The following UBE2K variants were observed in gnomAD, a reference collection of about 807,000 sequenced individuals.
UBE2K encodes the protein ubiquitin-conjugating enzyme E2 K.
Under a neutral mutation model 30.0 loss-of-function variants are expected in UBE2K, and 6 were observed. That is an observed-to-expected ratio of 0.20 (90% CI 0.11 to 0.39). The LOEUF (loss-of-function observed/expected upper bound fraction) is 0.39, where lower values mean the gene tolerates loss of function less well. Ranked by LOEUF, UBE2K falls within the 10% of genes least tolerant of loss-of-function variation. The pLI is 1.00. For missense variants in UBE2K, 61 were observed against 241.6 expected, an observed-to-expected ratio of 0.25 and a Z score of 4.96; for synonymous variants, 86 against 83.7, an observed-to-expected ratio of 1.03 and a Z score of -0.15.
intron 1 of UBE2K, chr4:39,710,317 G>C (rs1185068017): frequency 6.6e-6 from 1 of 152,058 alleles, no homozygotes; most frequent in Non-Finnish European, 1.5e-5. Flanking sequence ...TGCCCAGGCT[G>C]GAGTGCAGTG....
At chr4:39,702,231 C>CTTTTTTTTT (rs564712672) in intron 1 of UBE2K, among the ~76,000 whole-genome samples, 20 of 67,348 alleles carry the variant, frequency 3.0e-4, no homozygotes, top group South Asian at 9.4e-4. Flanking sequence ...CTTTTCTTTT[C>CTTTTTTTTT]TTTTTTTTTT....
At chr4:39,755,548 A>G (rs1721483881) in intron 3 of UBE2K, 109 bp from the exon 4 acceptor site, 2 of 776,788 alleles carry the variant, frequency 2.6e-6, no homozygotes, top group Non-Finnish European at 4.2e-6. Flanking sequence ...ATGATGTAAT[A>G]GATATAGGGA....
chr4:39,712,765 T>G (rs1718781924), intron 1 of UBE2K, among the ~76,000 whole-genome samples: 2 of 151,746 alleles, frequency 1.3e-5, no homozygotes, highest in East Asian at 3.9e-4. Flanking sequence ...GGATGTGAAA[T>G]GGTGGTTTAT....
intron 6 of UBE2K, 99 bp downstream of exon 6, chr4:39,777,909 C>A (rs954679211): frequency 8.4e-7 from 1 of 1,187,190 alleles, no homozygotes; most frequent in Non-Finnish European, 1.1e-6. Flanking sequence ...AAGAGAAATT[C>A]GCAGCCTGGG....
intron 3 of UBE2K, among the ~76,000 whole-genome samples, chr4:39,748,620 CAAAA>C (rs33918227): frequency 3.2e-5 from 4 of 123,434 alleles, no homozygotes; most frequent in Non-Finnish European, 3.6e-5. Context: ...TCTCTAGTCC[CAAAA>C]AAAAAAAAAA....
chr4:39,699,463 G>C (rs1280420076), intron 1 of UBE2K, among the ~76,000 whole-genome samples: 4 of 152,128 alleles, frequency 2.6e-5, no homozygotes, highest in Admixed American at 1.3e-4. Context: ...AGATACATTT[G>C]TACTACGTTT....
intron 4 of UBE2K, among the ~76,000 whole-genome samples, chr4:39,771,653 G>C (rs1712869982): frequency 1.3e-5 from 2 of 151,934 alleles, no homozygotes; most frequent in East Asian, 3.9e-4. Context: ...GGCTCGTGCG[G>C]TGTGTTCCAG....
At chr4:39,713,029 C>T (rs1370027288) in intron 1 of UBE2K, among the ~76,000 whole-genome samples, 1 of 151,938 alleles carries the variant, frequency 6.6e-6, no homozygotes, top group Non-Finnish European at 1.5e-5. Context: ...CTAAGCCTGG[C>T]TAATTTCGTA....
rs1450180099 is a variant in UBE2K, at chr4:39,734,224, A to G, written c.64-3196A>G. ...GGATTCAAACGATTCTCGTGCCTCA[A>G]CCTCCCAAGTAGCGGGGACTACAGG... is the stretch of plus-strand genomic sequence containing the variant. On this transcript the variant is annotated intron_variant, in intron 1 of 6. Coordinates refer to ENST00000261427, the MANE Select transcript of UBE2K (RefSeq NM_005339.5). Among the ~76,000 whole-genome samples the G allele has an allele frequency of 4.6e-5, 7 of 150,804 alleles. No homozygotes were observed. The South Asian group carries it at 6.3e-4, about 14-fold the overall frequency.
At position 39,774,945 on chromosome 4, in the gene UBE2K, G is replaced by A; in HGVS notation, c.399+12G>A. The A allele has an allele frequency of 4.5e-6, 7 of 1,570,440 alleles. No homozygotes were observed. Among genetic ancestry groups the A allele is most frequent in the Admixed American group, 1.8e-5 (1 of 56,116 alleles). On this transcript the variant is annotated intron_variant, in intron 5 of 6. Transcript: ENST00000261427. The stretch of plus-strand genomic sequence containing the variant: ...TAGTAGCAAATCAGGTAAGATGGCC[G>A]CTTTTGAAAGACTTTCTTATATTAT...
chr4:39,777,428 T>C (rs781643497), intron 5 of UBE2K, among the ~76,000 whole-genome samples: 6 of 152,370 alleles, frequency 3.9e-5, no homozygotes, highest in African/African-American at 7.2e-5. Context: ...TTGCTAGTTA[T>C]ATTTGTTGAA....
rs1367153148 is a variant in UBE2K, at chr4:39,781,960, G to C, written c.*3526G>C. ...CTGATAAAATAGCCTTTATTCCCAAGTGTGACTTTTCTTCAGTGTCTACAT... is the reference window on the plus strand; with the variant it reads ...CTGATAAAATAGCCTTTATTCCCAACTGTGACTTTTCTTCAGTGTCTACAT... On this transcript the variant is annotated 3_prime_UTR_variant, in exon 7 of 7. Coordinates refer to ENST00000261427, the MANE Select transcript of UBE2K (RefSeq NM_005339.5). 1 of 398,350 alleles carries C rather than the reference G, an allele frequency of 2.5e-6. No individual in the cohort carries two copies. Among genetic ancestry groups the C allele is most frequent in the African/African-American group, 2.1e-5 (1 of 48,638 alleles). The allele number at this position is 398,350 out of a possible 1,614,324, so 24.7% of individuals were successfully genotyped here. A position where few individuals can be genotyped will look rare whatever the true frequency, so the allele number is the denominator to read the frequency against.
chr4:39,714,540 A>ATG (rs1316202885), intron 1 of UBE2K: 1 of 20,578 alleles, frequency 4.9e-5, no homozygotes, highest in Non-Finnish European at 7.5e-5. Context: ...ATATATATAT[A>ATG]TATATATATA....
intron 1 of UBE2K, among the ~76,000 whole-genome samples, chr4:39,730,807 C>T (rs1720029578): frequency 8.5e-6 from 1 of 117,932 alleles, no homozygotes; most frequent in East Asian, 3.2e-4. Flanking sequence ...GCTGCTATAG[C>T]TTCTTTTTTT....
chr4:39,729,076 C>A (rs1419013291), intron 1 of UBE2K, among the ~76,000 whole-genome samples: 1 of 151,094 alleles, frequency 6.6e-6, no homozygotes, highest in Non-Finnish European at 1.5e-5. Flanking sequence ...TCAAGCAGTT[C>A]TCCTGCCTCA....
intron 1 of UBE2K, among the ~76,000 whole-genome samples, chr4:39,727,213 TCA>T (rs894199674): frequency 1.3e-5 from 2 of 152,212 alleles, no homozygotes; most frequent in Non-Finnish European, 2.9e-5. Context: ...AAATGTTATA[TCA>T]CATACAGAGG....
intron 1 of UBE2K, among the ~76,000 whole-genome samples, chr4:39,716,109 C>A (rs921165690): frequency 6.6e-6 from 1 of 152,186 alleles, no homozygotes; most frequent in Admixed American, 6.5e-5. Context: ...TTCCTCTAAC[C>A]TCTGTTACTA....
chr4:39,739,606 C>T (rs901259718), intron 2 of UBE2K, among the ~76,000 whole-genome samples: 1 of 151,908 alleles, frequency 6.6e-6, no homozygotes, highest in Non-Finnish European at 1.5e-5. Flanking sequence ...GCCACCATGC[C>T]CGGCTAATTT....
At chr4:39,706,522 G>A (rs1393266960) in intron 1 of UBE2K, among the ~76,000 whole-genome samples, 2 of 150,186 alleles carry the variant, frequency 1.3e-5, no homozygotes, top group African/African-American at 4.9e-5. Flanking sequence ...ACCCTGGCTG[G>A]AGTCCAGTAG....
Sources: gnomAD v4.1 joint callset for allele counts (sites outside exome capture counted in the v4.1 genomes callset) on GRCh38, gnomAD v4.1.1 for gene constraint, MANE v1.5 for transcripts, NCBI Gene and HGNC (gene_info 2026-07-23, HGNC 2026-07-21) for gene names.